Variants in FER observed in about 807,000 individuals in gnomAD.
The protein encoded by FER is tyrosine-protein kinase Fer.
Under a neutral mutation model 111.0 loss-of-function variants are expected in FER, and 63 were observed. The observed-to-expected ratio is 0.57, with a 90% CI of 0.46 to 0.70. The LOEUF (loss-of-function observed/expected upper bound fraction) is 0.70. Among genes scored for constraint, FER ranks in the 30% least tolerant of loss-of-function variants. FER has a pLI of 0.00. For missense variants in FER, 914 were observed against 954.0 expected, an observed-to-expected ratio of 0.96 and a Z score of 0.55; for synonymous variants, 327 against 313.9, an observed-to-expected ratio of 1.04 and a Z score of -0.44.
intron 10 of FER, among the ~76,000 whole-genome samples, chr5:108,907,077 T>C (rs1750887587): frequency 6.6e-6 from 1 of 152,156 alleles, no homozygotes; most frequent in Non-Finnish European, 1.5e-5. Context: ...TAATTAATAA[T>C]ATACACTTCA....
intron 11 of FER, among the ~76,000 whole-genome samples, chr5:108,948,268 C>A (rs1757264628): frequency 6.6e-6 from 1 of 151,996 alleles, no homozygotes; most frequent in African/African-American, 2.4e-5. Flanking sequence ...ACGCTTAGAT[C>A]AACAGTCTTG....
At chr5:109,025,962 CT>C (rs1484619971) in intron 13 of FER, among the ~76,000 whole-genome samples, 4 of 152,168 alleles carry the variant, frequency 2.6e-5, no homozygotes, top group African/African-American at 9.7e-5. Context: ...ACCTGCATTG[CT>C]TCCTTTGGAG....
At chr5:109,096,565 C>G (rs1418805065) in intron 16 of FER, among the ~76,000 whole-genome samples, 1 of 151,902 alleles carries the variant, frequency 6.6e-6, no homozygotes, top group Non-Finnish European at 1.5e-5. Flanking sequence ...TATGTGATGT[C>G]ATGTTTATGT....
At chr5:109,052,217 G>C in intron 16 of FER, 1 of 1,606,556 alleles carries the variant, frequency 6.2e-7, no homozygotes, top group Non-Finnish European at 8.5e-7. Flanking sequence ...AATATGATCT[G>C]CAGGACCCAG....
chr5:109,191,194 CA>C lies in FER; in HGVS notation c.*3622del, dbSNP rs1435154848. 1.3e-5 allele frequency: 2 copies of C among 152,078 alleles called. No individual in the cohort carries two copies. Among genetic ancestry groups the C allele is most frequent in the African/African-American group, 4.8e-5 (2 of 41,416 alleles). 9.4% of individuals were successfully genotyped at this position (152,078 alleles called of 1,614,324 possible). ...CCAAATAAATTATAATGTAACAATA[CA>C]AATATCTGAATCATAAGTCACAGTT... On this transcript the variant is annotated 3_prime_UTR_variant, in exon 20 of 20. Coordinates refer to ENST00000281092, the MANE Select transcript of FER (RefSeq NM_005246.4).
chr5:108,843,053 T>C (rs1418617074), intron 5 of FER: 1 of 152,166 alleles, frequency 6.6e-6, no homozygotes. Context: ...TAAGAGTGTA[T>C]ACAGAGTGCT....
chr5:108,866,333 G>A (rs554208610), intron 5 of FER, among the ~76,000 whole-genome samples: 4 of 152,190 alleles, frequency 2.6e-5, no homozygotes, highest in African/African-American at 9.6e-5. Context: ...ACTGTCACAA[G>A]GACAAAAAAC....
chr5:109,141,721 TCTG>T (rs1176579495), intron 17 of FER, among the ~76,000 whole-genome samples: 5 of 152,194 alleles, frequency 3.3e-5, no homozygotes, highest in Non-Finnish European at 5.9e-5. Flanking sequence ...AGTCATCACT[TCTG>T]CTCAAATTTC....
At chr5:109,142,496 A>G (rs1753633552) in intron 17 of FER, among the ~76,000 whole-genome samples, 1 of 152,188 alleles carries the variant, frequency 6.6e-6, no homozygotes, top group Non-Finnish European at 1.5e-5. Flanking sequence ...TTATTTTTAT[A>G]ATTAAGATAA....
At chr5:109,118,311 T>C (rs1195162790) in intron 17 of FER, among the ~76,000 whole-genome samples, 2 of 152,228 alleles carry the variant, frequency 1.3e-5, no homozygotes, top group Admixed American at 6.5e-5. Flanking sequence ...ATTATATTTA[T>C]TGATTTTCGT....
intron 13 of FER, among the ~76,000 whole-genome samples, chr5:108,978,284 A>G (rs1179762060): frequency 6.6e-6 from 1 of 152,174 alleles, no homozygotes; most frequent in Non-Finnish European, 1.5e-5. Context: ...ACATTCTAAC[A>G]TACAAAAATC....
In FER at chr5:108,818,504, T is replaced by C. The variant is rs116683473; in HGVS notation, c.208-14266T>C. ...TTACATTTCAGGTAAAAGCAATATTTTTAATAATATTAATATTAATATACA... is the reference window on the plus strand; with the variant it reads ...TTACATTTCAGGTAAAAGCAATATTCTTAATAATATTAATATTAATATACA... On this transcript the variant is annotated intron_variant, in intron 3 of 19. Coordinates refer to ENST00000281092, the MANE Select transcript of FER (RefSeq NM_005246.4). Among the ~76,000 whole-genome samples the C allele has an allele frequency of 8.3e-3, 1,267 of 152,198 alleles. 18 individuals are homozygous for C. Among genetic ancestry groups the C allele is most frequent in the African/African-American group, 0.029 (1,210 of 41,530 alleles).
intron 17 of FER, among the ~76,000 whole-genome samples, chr5:109,144,743 G>A (rs1043239164): frequency 3.9e-5 from 6 of 152,060 alleles, no homozygotes; most frequent in Non-Finnish European, 8.8e-5. Flanking sequence ...TGTTTGGATG[G>A]ACCTAGGACC....
chr5:109,117,965 T>A (rs890797614), intron 17 of FER, among the ~76,000 whole-genome samples: 10 of 152,070 alleles, frequency 6.6e-5, no homozygotes, highest in Admixed American at 3.9e-4. Flanking sequence ...TAGGGACAAT[T>A]TGACTTCCTC....
intron 8 of FER, among the ~76,000 whole-genome samples, chr5:108,875,504 C>T (rs907982057): frequency 5.5e-4 from 83 of 151,992 alleles, no homozygotes; most frequent in African/African-American, 1.8e-3. Context: ...AATATTTCAT[C>T]TCATCTAGTT....
chr5:109,163,214 G>T (rs565775222), intron 17 of FER, among the ~76,000 whole-genome samples: 1 of 151,228 alleles, frequency 6.6e-6, no homozygotes, highest in Non-Finnish European at 1.5e-5. Flanking sequence ...ATATTATTGC[G>T]TATGTTAGTT....
At chr5:109,012,323 A>G (rs377719880) in intron 13 of FER, among the ~76,000 whole-genome samples, 3 of 152,280 alleles carry the variant, frequency 2.0e-5, no homozygotes, top group African/African-American at 7.2e-5. Flanking sequence ...GTTGTGGAGA[A>G]TTGGTGAGTT....
intron 9 of FER, among the ~76,000 whole-genome samples, chr5:108,889,715 C>T (rs1365156850): frequency 6.6e-6 from 1 of 151,216 alleles, no homozygotes; most frequent in Non-Finnish European, 1.5e-5. Context: ...TGATGGATAC[C>T]CCGTTTACCG....
chr5:108,992,717 G>A (rs1471572362), intron 13 of FER, among the ~76,000 whole-genome samples: 1 of 151,816 alleles, frequency 6.6e-6, no homozygotes, highest in Non-Finnish European at 1.5e-5. Context: ...TGGCTGCTGG[G>A]CGGAGACGCT....
Sources: allele counts gnomAD v4.1 joint callset (sites outside exome capture counted in the v4.1 genomes callset), GRCh38; gene constraint gnomAD v4.1.1; transcripts MANE v1.5; gene names NCBI Gene and HGNC (gene_info 2026-07-23, HGNC 2026-07-21).